CADPS: variants seen among roughly 807,000 people sequenced by gnomAD.
CADPS encodes calcium dependent secretion activator, also known as calcium-dependent secretion activator 1.
CADPS carries 57 observed loss-of-function variants against 167.3 expected under a neutral mutation model. The observed-to-expected ratio is 0.34, with a 90% CI of 0.28 to 0.42. The LOEUF is 0.42. Ranked by LOEUF, CADPS falls within the 20% of genes least tolerant of loss-of-function variation. CADPS has a pLI of 1.00. For missense variants in CADPS, 1,414 were observed against 1,738.1 expected (o/e 0.81, Z 3.32); for synonymous variants, 676 against 635.3 (o/e 1.06, Z -0.96).
intron 1 of CADPS, among the ~76,000 whole-genome samples, chr3:62,867,269 T>A (rs1255303205): frequency 6.6e-6 from 1 of 152,026 alleles, no homozygotes; most frequent in East Asian, 1.9e-4. Context: ...TTCCTCATAG[T>A]GGCTATGAAG....
At chr3:62,576,465 GTTA>G (rs2082280923) in intron 8 of CADPS, among the ~76,000 whole-genome samples, 2 of 151,968 alleles carry the variant, frequency 1.3e-5, no homozygotes, top group Non-Finnish European at 1.5e-5. Flanking sequence ...AAGTATTATT[GTTA>G]TTGTTGTTAT....
intron 1 of CADPS, among the ~76,000 whole-genome samples, chr3:62,854,283 C>G (rs1019688136): frequency 4.5e-4 from 69 of 152,312 alleles, no homozygotes; most frequent in African/African-American, 1.5e-3. Flanking sequence ...GTAACTTTCT[C>G]TCTATGCATT....
At chr3:62,471,447 AC>A (rs1484617553) in intron 24 of CADPS, among the ~76,000 whole-genome samples, 10 of 152,192 alleles carry the variant, frequency 6.6e-5, no homozygotes, top group African/African-American at 2.4e-4. Flanking sequence ...ATGGCTCCAT[AC>A]CTTTTTTTAT....
Position 62,597,303 on chromosome 3 carries a change from C to T in CADPS, c.1326-4555G>A, listed in dbSNP as rs376619810. Among the ~76,000 whole-genome samples the T allele has an allele frequency of 9.4e-4, 143 of 152,254 alleles. 1 individual carries two copies. The highest frequency in any genetic ancestry group is 3.2e-3 in the African/African-American group (132 of 41,552). On this transcript the variant is annotated intron_variant, in intron 6 of 29. Coordinates refer to ENST00000383710, the MANE Select transcript of CADPS (RefSeq NM_003716.4). ...TTGAGGTTACTGTGAGCTATGATCA[C>T]GCCACTGTACTCCAGCTTGGGTGAC...
chr3:62,606,295 G>A (rs1037195311), intron 6 of CADPS, among the ~76,000 whole-genome samples: 17 of 152,146 alleles, frequency 1.1e-4, no homozygotes, highest in Non-Finnish European at 5.9e-5. Flanking sequence ...GCTTTTAAGA[G>A]GTGATTGGGT....
Position 62,412,426 on chromosome 3 carries a change from A to G in CADPS, c.3778-9241T>C, listed in dbSNP as rs116458332. On this transcript the variant is annotated intron_variant, in intron 28 of 29. Coordinates refer to ENST00000383710, the MANE Select transcript of CADPS (RefSeq NM_003716.4). This position sits in a 1 kb window ranked among gnomAD's most constrained non-coding sequence, Gnocchi z 4.1. ...AGGAAGAGATAATGCAAAAGACATA[A>G]TAATTTAAAAGATATATTTAAATTA... Among the ~76,000 whole-genome samples the G allele has an allele frequency of 0.011, 1,685 of 152,234 alleles. 32 individuals are homozygous for G. The highest frequency in any genetic ancestry group is 0.039 in the African/African-American group (1,600 of 41,524).
At chr3:62,828,654 C>A (rs77942710) in intron 1 of CADPS, among the ~76,000 whole-genome samples, 2,358 of 152,038 alleles carry the variant, frequency 0.016, 66 homozygotes, top group African/African-American at 0.053. Context: ...TTGATGTTAT[C>A]AAAAGCATAC....
At chr3:62,570,726 A>G in intron 9 of CADPS, 146 bp downstream of exon 9, 1 of 674,958 alleles carries the variant, frequency 1.5e-6, no homozygotes, top group Non-Finnish European at 2.6e-6. Flanking sequence ...CCTCCTCTGA[A>G]TGGTGGTTAC....
Position 62,399,159 on chromosome 3 carries a change from C to T in CADPS, c.*247G>A, listed in dbSNP as rs1317291267. On this transcript the variant is annotated 3_prime_UTR_variant, in exon 30 of 30. Transcript: ENST00000383710. This position sits in a 1 kb window ranked among gnomAD's most constrained non-coding sequence, Gnocchi z 5.6. ...GCCTAGTGGTTAGACTATGTATTCT[C>T]CATGAACAGTATTTAAAGAATGGTG... 6.8e-6 allele frequency: 3 copies of T among 441,888 alleles called. No individual in the cohort carries two copies. Among genetic ancestry groups the T allele is most frequent in the Admixed American group, 3.6e-5 (1 of 27,694 alleles). 27.4% of individuals were successfully genotyped at this position (441,888 alleles called of 1,614,324 possible).
chr3:62,490,930 A>C (rs1299141481), intron 21 of CADPS, among the ~76,000 whole-genome samples: 1 of 152,184 alleles, frequency 6.6e-6, no homozygotes, highest in Non-Finnish European at 1.5e-5. Context: ...CTAAGTATAT[A>C]GTATATGGCC....
intron 1 of CADPS, among the ~76,000 whole-genome samples, chr3:62,835,783 T>C (rs1355957589): frequency 6.6e-6 from 1 of 152,204 alleles, no homozygotes; most frequent in Non-Finnish European, 1.5e-5. Flanking sequence ...ACAGCTTCCC[T>C]ATTCTGAGCC....
intron 13 of CADPS, among the ~76,000 whole-genome samples, chr3:62,524,264 C>G (rs1050293566): frequency 6.6e-6 from 1 of 152,160 alleles, no homozygotes; most frequent in African/African-American, 2.4e-5. Context: ...GCTTGCTCAT[C>G]TATATGGTTT....
chr3:62,476,750 C>T (rs2061374753), intron 23 of CADPS, among the ~76,000 whole-genome samples: 1 of 152,126 alleles, frequency 6.6e-6, no homozygotes, highest in Non-Finnish European at 1.5e-5. Context: ...ACATGCATGT[C>T]TTTCTGTACA....
intron 3 of CADPS, among the ~76,000 whole-genome samples, chr3:62,717,356 A>G (rs1270957919): frequency 6.6e-6 from 1 of 152,070 alleles, no homozygotes; most frequent in Non-Finnish European, 1.5e-5. Flanking sequence ...CAACCCAATA[A>G]CCCAATCATA....
intron 1 of CADPS, among the ~76,000 whole-genome samples, chr3:62,857,844 A>C (rs945566970): frequency 3.9e-5 from 6 of 151,954 alleles, no homozygotes; most frequent in Admixed American, 1.3e-4. Flanking sequence ...TAATGAATTC[A>C]TTTTGCTTAT....
At chr3:62,424,214 C>A (rs1019517666) in intron 28 of CADPS, among the ~76,000 whole-genome samples, 29 of 152,022 alleles carry the variant, frequency 1.9e-4, no homozygotes, top group Non-Finnish European at 1.9e-4. Context: ...GACGGAGTCT[C>A]ACTCTGTCAC....
At position 62,553,098 on chromosome 3, in the gene CADPS, G is replaced by A. The variant is rs112432977; in HGVS notation, c.1754-2983C>T. On this transcript the variant is annotated intron_variant, in intron 10 of 29. Coordinates refer to ENST00000383710, the MANE Select transcript of CADPS (RefSeq NM_003716.4). ...TAGCCTAGTCTCGTGGTATCCTTAG[G>A]AATAAGCTGTTTTGCTACAGTCAGG... Among the ~76,000 whole-genome samples the A allele has an allele frequency of 3.0e-3, 460 of 152,236 alleles. 2 individuals carry two copies. Among genetic ancestry groups the A allele is most frequent in the Non-Finnish European group, 4.8e-3 (324 of 68,024 alleles).
At position 62,601,598 on chromosome 3, in the gene CADPS, C is replaced by T. The variant is rs2059983236; in HGVS notation, c.1326-8850G>A. On this transcript the variant is annotated intron_variant, in intron 6 of 29. Coordinates refer to ENST00000383710, the MANE Select transcript of CADPS (RefSeq NM_003716.4). This position sits in a 1 kb window ranked among gnomAD's most constrained non-coding sequence, Gnocchi z 4.3. ...ATTCTTCATGGAGCTCTTTCTAGCA[C>T]TCTTAGTTTATTAGAAAATTGGGGC... Among the ~76,000 whole-genome samples the T allele has an allele frequency of 6.6e-6, 1 of 152,188 alleles. No homozygotes were observed. Among genetic ancestry groups the T allele is most frequent in the East Asian group, 1.9e-4 (1 of 5,190 alleles).
chr3:62,538,795 C>A (rs550283100), intron 11 of CADPS, among the ~76,000 whole-genome samples: 1 of 152,040 alleles, frequency 6.6e-6, no homozygotes, highest in Non-Finnish European at 1.5e-5. Flanking sequence ...TTTGTTGAAA[C>A]TCTTGAAAAC....
Sources: gnomAD v4.1 joint callset for allele counts (sites outside exome capture counted in the v4.1 genomes callset) on GRCh38, gnomAD v4.1.1 for gene constraint, Gnocchi (gnomAD v3.1) non-coding constraint, MANE v1.5 for transcripts, NCBI Gene and HGNC (gene_info 2026-07-23, HGNC 2026-07-21) for gene names.